The following IQCM variants were observed in gnomAD, a reference collection of about 807,000 sequenced individuals.
IQCM encodes IQ motif containing M, also known as IQ domain-containing protein M.
In IQCM, 45 loss-of-function variants were observed where a neutral mutation model predicts 57.6. The ratio of observed to expected loss-of-function variants is 0.78; its 90% confidence interval spans 0.62 to 1.00. IQCM has a LOEUF of 1.00. IQCM is among the 50% of genes least tolerant of loss of function. IQCM has a pLI of 0.00. For synonymous variants in IQCM, 148 were observed against 158.9 expected (o/e 0.93, Z 0.51); for missense variants, 468 against 511.6 (o/e 0.91, Z 0.82).
At chr4:149,419,884 T>C (rs1734006540) in intron 13 of IQCM, among the ~76,000 whole-genome samples, 1 of 151,948 alleles carries the variant, frequency 6.6e-6, no homozygotes, top group Non-Finnish European at 1.5e-5. Flanking sequence ...AACAAACATA[T>C]GAAAAGAAAA....
At chr4:149,610,931 A>G (rs557112618) in intron 8 of IQCM, among the ~76,000 whole-genome samples, 76 of 152,170 alleles carry the variant, frequency 5.0e-4, no homozygotes, top group Middle Eastern at 6.8e-3. Flanking sequence ...GAGACAGCCA[A>G]CGAATGGGGG....
intron 5 of IQCM, among the ~76,000 whole-genome samples, chr4:149,713,891 A>C (rs1011591661): frequency 6.6e-6 from 1 of 152,138 alleles, no homozygotes; most frequent in African/African-American, 2.4e-5. Flanking sequence ...TTCTATCAGT[A>C]TAAAAATATA....
intron 9 of IQCM, among the ~76,000 whole-genome samples, chr4:149,570,265 C>A (rs1229545181): frequency 1.3e-5 from 2 of 151,874 alleles, no homozygotes; most frequent in Non-Finnish European, 2.9e-5. Context: ...ATTGAAAAAT[C>A]AAGTTTGTAA....
chr4:149,795,547 C>T (rs12503959), intron 2 of IQCM, among the ~76,000 whole-genome samples: 17,775 of 152,130 alleles, frequency 0.12, 1,210 homozygotes, highest in East Asian at 0.18. Context: ...GGGCCCAGAG[C>T]CAATGGACTC....
At chr4:149,492,921 T>G (rs1288934885) in intron 12 of IQCM, among the ~76,000 whole-genome samples, 1 of 152,134 alleles carries the variant, frequency 6.6e-6, no homozygotes, top group Non-Finnish European at 1.5e-5. Context: ...ATCCTCCCAG[T>G]CAGGAAGTCA....
At chr4:149,588,907 T>C (rs1165277590) in intron 8 of IQCM, among the ~76,000 whole-genome samples, 4 of 151,850 alleles carry the variant, frequency 2.6e-5, no homozygotes, top group Admixed American at 1.3e-4. Flanking sequence ...CTTCCATAGG[T>C]TTTTCAAATA....
At chr4:149,746,984 T>A (rs1362342629) in intron 2 of IQCM, among the ~76,000 whole-genome samples, 2 of 152,264 alleles carry the variant, frequency 1.3e-5, no homozygotes, top group Admixed American at 6.5e-5. Context: ...CACTAGGACC[T>A]CCCTCCCAGC....
intron 5 of IQCM, among the ~76,000 whole-genome samples, chr4:149,731,197 C>T (rs1157450234): frequency 2.6e-5 from 4 of 152,096 alleles, no homozygotes; most frequent in Non-Finnish European, 5.9e-5. Flanking sequence ...GAGATAGGAC[C>T]TTTGAGGAAG....
At chr4:149,564,732 T>A (rs1469006898) in intron 9 of IQCM, among the ~76,000 whole-genome samples, 3 of 152,160 alleles carry the variant, frequency 2.0e-5, no homozygotes, top group Non-Finnish European at 2.9e-5. Context: ...GAAATCCGAC[T>A]GGCTCTCCTT....
At chr4:149,457,525 C>G (rs72724096) in intron 12 of IQCM, among the ~76,000 whole-genome samples, 1 of 151,686 alleles carries the variant, frequency 6.6e-6, no homozygotes, top group African/African-American at 2.4e-5. Context: ...TGAAATAATT[C>G]TAAAACCAAG....
chr4:149,640,767 T>C (rs563667005), intron 7 of IQCM, among the ~76,000 whole-genome samples: 1 of 152,290 alleles, frequency 6.6e-6, no homozygotes, highest in African/African-American at 2.4e-5. Flanking sequence ...GACAATTTAA[T>C]GGAGTCGAGA....
intron 13 of IQCM, among the ~76,000 whole-genome samples, chr4:149,384,694 C>T (rs1731296421): frequency 6.6e-6 from 1 of 151,944 alleles, no homozygotes; most frequent in African/African-American, 2.4e-5. Context: ...TCTCTAACTA[C>T]ACATGTAAAA....
At chr4:149,614,753 T>A (rs898037594) in intron 8 of IQCM, among the ~76,000 whole-genome samples, 2 of 152,164 alleles carry the variant, frequency 1.3e-5, no homozygotes, top group Non-Finnish European at 2.9e-5. Context: ...AAAAATCTGA[T>A]AGTGTTTTAA....
chr4:149,800,378 C>T (rs184200238), intron 2 of IQCM, among the ~76,000 whole-genome samples: 2 of 151,988 alleles, frequency 1.3e-5, no homozygotes, highest in East Asian at 3.9e-4. Context: ...ATGACAGACT[C>T]ACAGCTAGAA....
intron 10 of IQCM, among the ~76,000 whole-genome samples, chr4:149,557,836 G>A (rs1223487347): frequency 6.6e-6 from 1 of 152,078 alleles, no homozygotes; most frequent in Admixed American, 6.6e-5. Context: ...TTCTTGTATT[G>A]ACAACCATTC....
At chr4:149,376,598 A>G (rs1730714521) in intron 13 of IQCM, among the ~76,000 whole-genome samples, 1 of 152,190 alleles carries the variant, frequency 6.6e-6, no homozygotes, top group Non-Finnish European at 1.5e-5. Flanking sequence ...GATTGGGATC[A>G]TCCGAAACTG....
At chr4:149,629,767 G>T (rs910346459) in intron 7 of IQCM, among the ~76,000 whole-genome samples, 10 of 152,072 alleles carry the variant, frequency 6.6e-5, no homozygotes, top group African/African-American at 1.9e-4. Flanking sequence ...CAAAAGCAAG[G>T]TATGGAGAAA....
At chr4:149,784,048 G>A (rs569899551) in intron 2 of IQCM, among the ~76,000 whole-genome samples, 34 of 152,258 alleles carry the variant, frequency 2.2e-4, no homozygotes, top group South Asian at 1.5e-3. Context: ...CATGCCCAGC[G>A]TCCTTACCCA....
intron 7 of IQCM, among the ~76,000 whole-genome samples, chr4:149,636,039 C>T (rs1009861943): frequency 2.6e-5 from 4 of 152,128 alleles, no homozygotes; most frequent in African/African-American, 9.6e-5. Context: ...TCTATGTTTA[C>T]TTTAGACATA....
Sources: gnomAD v4.1 joint callset for allele counts (sites outside exome capture counted in the v4.1 genomes callset) on GRCh38, gnomAD v4.1.1 for gene constraint, MANE v1.5 for transcripts, NCBI Gene and HGNC (gene_info 2026-07-23, HGNC 2026-07-21) for gene names.